PRR16: variants seen among roughly 807,000 people sequenced by gnomAD.
The protein encoded by PRR16 is protein Largen.
Under a neutral mutation model 18.2 loss-of-function variants are expected in PRR16, and 6 were observed. The ratio of observed to expected loss-of-function variants is 0.33; its 90% CI spans 0.18 to 0.65. The LOEUF is 0.65. Among genes scored for constraint, PRR16 ranks in the 30% least tolerant of loss-of-function variants. The pLI, the probability that PRR16 is intolerant of heterozygous loss-of-function variation, is 0.74. For missense variants in PRR16, 412 were observed against 376.6 expected, an observed-to-expected ratio of 1.09 and a Z score of -0.78; for synonymous variants, 151 against 147.8, an observed-to-expected ratio of 1.02 and a Z score of -0.16.
At chr5:120,741,273 T>A in the PRR16 span, among the ~76,000 whole-genome samples, 2 of 152,032 alleles carry the variant, frequency 1.3e-5, no homozygotes, top group Non-Finnish European at 2.9e-5. Flanking sequence ...TGAGGCAGAG[T>A]CTCACTGTGT....
chr5:120,717,389 G>A, the PRR16 span, among the ~76,000 whole-genome samples: 3 of 152,034 alleles, frequency 2.0e-5, no homozygotes. Flanking sequence ...ATTTTTTCTA[G>A]TTATCCTTCA....
the PRR16 span, among the ~76,000 whole-genome samples, chr5:120,775,553 A>G: frequency 6.6e-6 from 1 of 151,154 alleles, no homozygotes; most frequent in African/African-American, 2.4e-5. Context: ...GATTCTGTTC[A>G]TTTCTATTTC....
intron 1 of PRR16, among the ~76,000 whole-genome samples, chr5:120,637,565 C>G (rs1354228473): frequency 6.6e-6 from 1 of 151,982 alleles, no homozygotes; most frequent in African/African-American, 2.4e-5. Context: ...GAAAATCAAA[C>G]ATGTTCTCAC....
intron 1 of PRR16, among the ~76,000 whole-genome samples, chr5:120,532,977 G>A (rs986646022): frequency 6.6e-6 from 1 of 152,168 alleles, no homozygotes; most frequent in Non-Finnish European, 1.5e-5. Context: ...CTGTCTCAGA[G>A]CAGTAGTTTC....
intron 1 of PRR16, among the ~76,000 whole-genome samples, chr5:120,600,176 A>T (rs1433796581): frequency 6.6e-6 from 1 of 151,066 alleles, no homozygotes; most frequent in African/African-American, 2.4e-5. Context: ...TTTTCTGTTT[A>T]TGTTTTATCA....
chr5:120,757,470 T>C, the PRR16 span, among the ~76,000 whole-genome samples: 12 of 152,096 alleles, frequency 7.9e-5, no homozygotes, highest in Admixed American at 7.2e-4. Flanking sequence ...TCTCCATTTG[T>C]CTCATCTGTG....
the PRR16 span, among the ~76,000 whole-genome samples, chr5:120,770,789 C>T: frequency 6.6e-6 from 1 of 152,008 alleles, no homozygotes; most frequent in Non-Finnish European, 1.5e-5. Context: ...GCTCTCCCTA[C>T]TTGCCTCTGC....
At chr5:120,760,938 C>A in the PRR16 span, among the ~76,000 whole-genome samples, 4 of 152,024 alleles carry the variant, frequency 2.6e-5, no homozygotes, top group East Asian at 3.9e-4. Context: ...CTGAGATTAC[C>A]TCCCAAACAA....
At chr5:120,636,393 T>C (rs1755228902) in intron 1 of PRR16, among the ~76,000 whole-genome samples, 1 of 152,080 alleles carries the variant, frequency 6.6e-6, no homozygotes, top group Non-Finnish European at 1.5e-5. Flanking sequence ...GAGGCCATAG[T>C]CACCAAAACA....
the PRR16 span, among the ~76,000 whole-genome samples, chr5:120,716,409 T>C: frequency 6.6e-6 from 1 of 152,214 alleles, no homozygotes; most frequent in Non-Finnish European, 1.5e-5. Context: ...GCATCAGATA[T>C]TTGTGGAGCA....
chr5:120,721,515 A>G, the PRR16 span, among the ~76,000 whole-genome samples: 1 of 152,064 alleles, frequency 6.6e-6, no homozygotes, highest in Non-Finnish European at 1.5e-5. Context: ...TATATGCATT[A>G]TGAACTTTGG....
intron 1 of PRR16, among the ~76,000 whole-genome samples, chr5:120,611,202 G>A (rs1431876643): frequency 6.6e-6 from 1 of 152,190 alleles, no homozygotes; most frequent in Admixed American, 6.5e-5. Context: ...CTTGGGTGCT[G>A]TTAAAAGCAT....
intron 1 of PRR16, among the ~76,000 whole-genome samples, chr5:120,487,127 C>A (rs559143721): frequency 6.6e-6 from 1 of 152,166 alleles, no homozygotes; most frequent in Non-Finnish European, 1.5e-5. Context: ...CTTGGCAATG[C>A]GTGCTCTTTT....
chr5:120,579,156 C>T (rs1753178392), intron 1 of PRR16, among the ~76,000 whole-genome samples: 1 of 151,946 alleles, frequency 6.6e-6, no homozygotes, highest in Admixed American at 6.6e-5. Context: ...TATTATACTT[C>T]TGTCAGATGG....
the PRR16 span, among the ~76,000 whole-genome samples, chr5:120,760,213 G>A: frequency 6.6e-6 from 1 of 152,092 alleles, no homozygotes; most frequent in Non-Finnish European, 1.5e-5. Flanking sequence ...TTAGTAAGAG[G>A]AGGATGGTAG....
the PRR16 span, among the ~76,000 whole-genome samples, chr5:120,728,665 G>C: frequency 6.6e-6 from 1 of 152,158 alleles, no homozygotes; most frequent in Non-Finnish European, 1.5e-5. Flanking sequence ...ACTCTACAGC[G>C]AAATGCTTCA....
At chr5:120,760,746 CA>C in the PRR16 span, among the ~76,000 whole-genome samples, 2 of 152,124 alleles carry the variant, frequency 1.3e-5, no homozygotes, top group Admixed American at 6.6e-5. Context: ...CGACCAATAT[CA>C]AATAGGAATT....
intron 1 of PRR16, among the ~76,000 whole-genome samples, chr5:120,646,208 T>A (rs1755597332): frequency 6.6e-6 from 1 of 151,422 alleles, no homozygotes; most frequent in Non-Finnish European, 1.5e-5. Flanking sequence ...TGTCAAAAAA[T>A]TTTCAGTCAC....
intron 1 of PRR16, among the ~76,000 whole-genome samples, chr5:120,610,047 G>T (rs1580783926): frequency 6.6e-6 from 1 of 151,966 alleles, no homozygotes; most frequent in Non-Finnish European, 1.5e-5. Context: ...ACCCTTCACG[G>T]GCCCATTTAG....
Sources: allele counts gnomAD v4.1 joint callset (sites outside exome capture counted in the v4.1 genomes callset), GRCh38; gene constraint gnomAD v4.1.1; transcripts MANE v1.5; gene names NCBI Gene and HGNC (gene_info 2026-07-23, HGNC 2026-07-21).